Variants in KCNK2 observed in about 807,000 individuals in gnomAD.
The protein encoded by KCNK2 is potassium channel subfamily K member 2.
Under a neutral mutation model 40.5 loss-of-function variants are expected in KCNK2, and 21 were observed. The ratio of observed to expected loss-of-function variants is 0.52; its 90% CI spans 0.37 to 0.75. The LOEUF is 0.75. Among genes scored for constraint, KCNK2 ranks in the 30% least tolerant of loss-of-function variants. KCNK2 has a pLI of 0.00. For missense variants in KCNK2, 399 were observed against 531.6 expected (o/e 0.75, Z 2.45); for synonymous variants, 191 against 202.2 (o/e 0.94, Z 0.47).
At chr1:215,186,765 G>A (rs2102654828) in intron 5 of KCNK2, among the ~76,000 whole-genome samples, 1 of 152,114 alleles carries the variant, frequency 6.6e-6, no homozygotes, top group African/African-American at 2.4e-5. Flanking sequence ...GCTCCTTCCC[G>A]ATGGCACTTT....
At chr1:215,102,036 C>T (rs1037067365) in intron 2 of KCNK2, among the ~76,000 whole-genome samples, 1 of 151,326 alleles carries the variant, frequency 6.6e-6, no homozygotes, top group African/African-American at 2.4e-5. Context: ...CTTGGGTGTA[C>T]GTGTGATATT....
At chr1:215,017,409 TA>T (rs957612022) in intron 1 of KCNK2, among the ~76,000 whole-genome samples, 2 of 152,026 alleles carry the variant, frequency 1.3e-5, no homozygotes, top group African/African-American at 4.8e-5. Flanking sequence ...GTTTAGCTGT[TA>T]AAAAAAGTAG....
At chr1:215,158,384 A>G in intron 3 of KCNK2, among the ~76,000 whole-genome samples, 1 of 152,252 alleles carries the variant, frequency 6.6e-6, no homozygotes, top group Middle Eastern at 3.4e-3. Flanking sequence ...TTTTCTGAGG[A>G]TGTTCCATAG....
intron 2 of KCNK2, among the ~76,000 whole-genome samples, chr1:215,103,761 G>A (rs530552658): frequency 2.6e-5 from 4 of 151,968 alleles, no homozygotes; most frequent in African/African-American, 4.8e-5. Flanking sequence ...ATTTTTTGAC[G>A]GGACAATAAC....
chr1:215,210,982 A>G (rs1327154201), intron 6 of KCNK2, among the ~76,000 whole-genome samples: 1 of 152,090 alleles, frequency 6.6e-6, no homozygotes, highest in African/African-American at 2.4e-5. Flanking sequence ...AGCTCACTCT[A>G]GATTATTACA....
chr1:215,040,292 A>C (rs747424698), intron 1 of KCNK2, among the ~76,000 whole-genome samples: 38 of 152,166 alleles, frequency 2.5e-4, no homozygotes, highest in Non-Finnish European at 4.6e-4. Context: ...TGTGTCCATA[A>C]GACAAATAAT....
At chr1:215,218,059 G>A (rs1571743400) in intron 6 of KCNK2, among the ~76,000 whole-genome samples, 1 of 152,224 alleles carries the variant, frequency 6.6e-6, no homozygotes, top group African/African-American at 2.4e-5. Flanking sequence ...GTTTCACAGG[G>A]GAATAGAGGA....
At chr1:215,046,600 A>G (rs943689751) in intron 1 of KCNK2, among the ~76,000 whole-genome samples, 1 of 152,126 alleles carries the variant, frequency 6.6e-6, no homozygotes. Context: ...TTTTTGGATT[A>G]TCACCATATT....
At chr1:215,104,135 G>A (rs1660335286) in intron 2 of KCNK2, among the ~76,000 whole-genome samples, 1 of 151,980 alleles carries the variant, frequency 6.6e-6, no homozygotes, top group African/African-American at 2.4e-5. Flanking sequence ...ACATTCAAAG[G>A]CATAAACTCA....
At chr1:215,170,381 A>C (rs1382935932) in intron 4 of KCNK2, among the ~76,000 whole-genome samples, 1 of 152,176 alleles carries the variant, frequency 6.6e-6, no homozygotes, top group Admixed American at 6.6e-5. Context: ...TATGATGATA[A>C]ACTTGAGTTC....
chr1:215,209,925 C>T (rs1476826048), intron 6 of KCNK2, among the ~76,000 whole-genome samples: 1 of 45,766 alleles, frequency 2.2e-5, no homozygotes, highest in Non-Finnish European at 3.7e-5. Context: ...AGTTTGCATA[C>T]TGCACTTCAT....
chr1:215,162,516 A>G (rs545553315), intron 3 of KCNK2, among the ~76,000 whole-genome samples: 1 of 152,192 alleles, frequency 6.6e-6, no homozygotes, highest in African/African-American at 2.4e-5. Flanking sequence ...CCTGAATGGT[A>G]TTGCCTAGGT....
chr1:215,198,716 A>C (rs1007540823), intron 6 of KCNK2, among the ~76,000 whole-genome samples: 1 of 152,180 alleles, frequency 6.6e-6, no homozygotes, highest in Non-Finnish European at 1.5e-5. Flanking sequence ...GAAATAACAA[A>C]GTTATTTCTA....
intron 2 of KCNK2, among the ~76,000 whole-genome samples, chr1:215,119,221 T>C (rs1027410115): frequency 6.6e-5 from 10 of 152,196 alleles, no homozygotes; most frequent in Admixed American, 3.3e-4. Flanking sequence ...AGTCACTTCC[T>C]TGAATGCCAA....
chr1:215,198,061 A>G (rs779209033), intron 6 of KCNK2, among the ~76,000 whole-genome samples: 1 of 152,214 alleles, frequency 6.6e-6, no homozygotes, highest in Non-Finnish European at 1.5e-5. Context: ...CCTACTTATG[A>G]GTGATCTTCA....
At chr1:215,140,024 C>G (rs535266857) in intron 3 of KCNK2, among the ~76,000 whole-genome samples, 1 of 152,222 alleles carries the variant, frequency 6.6e-6, no homozygotes, top group South Asian at 2.1e-4. Context: ...AGATATTTAA[C>G]ATGCCAGTAT....
Position 215,083,278 on chromosome 1 carries a change from C to A in KCNK2, c.-108C>A. On this transcript the variant is annotated 5_prime_UTR_variant, in exon 1 of 7. Transcript: ENST00000444842. ...GGGGAAAATGCCTGCCCGTGCAGCT[C>A]GGAGCGCGCAGCCCGTCTCTGAATA... 2.5e-6 allele frequency: 4 copies of A among 1,596,750 alleles called. No individual in the cohort carries two copies. The South Asian group carries it at 4.4e-5, about 18-fold the overall frequency.
At chr1:215,189,547 A>G (rs1664581198) in intron 5 of KCNK2, among the ~76,000 whole-genome samples, 1 of 152,170 alleles carries the variant, frequency 6.6e-6, no homozygotes, top group South Asian at 2.1e-4. Flanking sequence ...AAGTACCTAC[A>G]GGGACACGGA....
At chr1:215,187,125 A>G (rs1664471623) in intron 5 of KCNK2, among the ~76,000 whole-genome samples, 2 of 152,224 alleles carry the variant, frequency 1.3e-5, no homozygotes, top group Middle Eastern at 3.4e-3. Context: ...ACATGCCACC[A>G]TACCCAGCTA....
Sources: gnomAD v4.1 joint callset for allele counts (sites outside exome capture counted in the v4.1 genomes callset) on GRCh38, gnomAD v4.1.1 for gene constraint, MANE v1.5 for transcripts, NCBI Gene and HGNC (gene_info 2026-07-23, HGNC 2026-07-21) for gene names.